The following CPEB2 variants were observed in gnomAD, a reference collection of about 807,000 sequenced individuals.
CPEB2 encodes cytoplasmic polyadenylation element binding protein 2.
A neutral mutation model predicts 93.6 loss-of-function variants in CPEB2; 56 were observed. The ratio of observed to expected loss-of-function variants is 0.60; its 90% CI spans 0.48 to 0.75. The LOEUF (loss-of-function observed/expected upper bound fraction) is 0.75. Ranked by LOEUF, CPEB2 falls within the 30% of genes least tolerant of loss-of-function variation. The pLI, the probability that CPEB2 is intolerant of heterozygous loss-of-function variation, is 0.00. For synonymous variants in CPEB2, 764 were observed against 586.3 expected (o/e 1.30, Z -4.38); for missense variants, 1,579 against 1,395.1 (o/e 1.13, Z -2.10).
intron 2 of CPEB2, among the ~76,000 whole-genome samples, chr4:15,008,120 CT>C (rs1234918929): frequency 2.6e-5 from 4 of 151,612 alleles, no homozygotes; most frequent in South Asian, 2.1e-4. Flanking sequence ...GTTGATTAGA[CT>C]TTTTTTTTCT....
Position 15,069,597 on chromosome 4 carries a change from ATAG to A in CPEB2, c.*3223_*3225del, listed in dbSNP as rs985187591. Reference sequence around the variant, plus strand: ...TTTTTTTGGGTTTTATTTTATTTTAATAGTAGTAAAATACTTGGAATAATTTTT... The same window carrying A: ...TTTTTTTGGGTTTTATTTTATTTTAATAGTAAAATACTTGGAATAATTTTT... On this transcript the variant is annotated 3_prime_UTR_variant, in exon 12 of 12. Coordinates refer to ENST00000538197, the MANE Select transcript of CPEB2 (RefSeq NM_001177382.2). 5.2e-4 allele frequency: 79 copies of A among 152,120 alleles called. No individual in the cohort carries two copies. The highest frequency in any genetic ancestry group is 3.9e-4 in the East Asian group (2 of 5,160). The allele number at this position is 152,120 out of a possible 1,614,324, so 9.4% of individuals were successfully genotyped here.
chr4:15,050,098 A>T (rs1728081699), intron 6 of CPEB2, among the ~76,000 whole-genome samples: 1 of 152,162 alleles, frequency 6.6e-6, no homozygotes, highest in Non-Finnish European at 1.5e-5. Context: ...CCAACATAAA[A>T]CCGATACTGG....
chr4:15,002,642 A>G lies in CPEB2; in HGVS notation c.-32A>G, dbSNP rs1459401914. On this transcript the variant is annotated 5_prime_UTR_variant, in exon 1 of 12. Transcript: ENST00000538197. ...TTCCTAGGTGGGGCAGGGGACGAGGAGCGTCTCCTCCCGCTGCCGGCGGCC... is the reference window on the plus strand; with the variant it reads ...TTCCTAGGTGGGGCAGGGGACGAGGGGCGTCTCCTCCCGCTGCCGGCGGCC... 2 of 1,465,450 alleles carry G rather than the reference A, an allele frequency of 1.4e-6. No individual in the cohort carries two copies. Among genetic ancestry groups the G allele is most frequent in the East Asian group, 5.2e-5 (2 of 38,236 alleles). The allele number at this position is 1,465,450 out of a possible 1,614,324, so 90.8% of individuals were successfully genotyped here. A position where few individuals can be genotyped will look rare whatever the true frequency, so the allele number is the denominator to read the frequency against.
Position 15,069,828 on chromosome 4 carries a change from G to T in CPEB2, c.*3448G>T, listed in dbSNP as rs1729960814. 1 of 152,066 alleles carries T rather than the reference G, an allele frequency of 6.6e-6. No homozygotes were observed. Among genetic ancestry groups the T allele is most frequent in the East Asian group, 1.9e-4 (1 of 5,148 alleles). 9.4% of individuals were successfully genotyped at this position (152,066 alleles called of 1,614,324 possible). Reference sequence around the variant, plus strand: ...AGTGTTTGGATTGTAATTATAAATGGTTCTTTGATATGCAAATTAATATTT... The same window carrying T: ...AGTGTTTGGATTGTAATTATAAATGTTTCTTTGATATGCAAATTAATATTT... On this transcript the variant is annotated 3_prime_UTR_variant, in exon 12 of 12. Coordinates refer to ENST00000538197, the MANE Select transcript of CPEB2 (RefSeq NM_001177382.2).
In CPEB2 at chr4:15,058,456, G is replaced by A. The variant is rs943082100; in HGVS notation, c.2497G>A (p.Val833Ile). The A allele has an allele frequency of 5.6e-6, 9 of 1,612,122 alleles. No individual in the cohort carries two copies. The highest frequency in any genetic ancestry group is 6.8e-6 in the Non-Finnish European group (8 of 1,178,630). Residue 833 changes from valine (V) to isoleucine (I), a missense_variant, in exon 9 of 12, where the codon GTT becomes ATT. Val to Ile is a conservative substitution (Grantham distance 29). Transcript: ENST00000538197. Reference sequence around the variant, plus strand: ...TCTTCTCTTTCAAGAAGAGAGCTCAGTTCAGGCACTCATTGATGCTTGTAT... The same window carrying A: ...TCTTCTCTTTCAAGAAGAGAGCTCAATTCAGGCACTCATTGATGCTTGTAT... Reference protein sequence around the residue: ...AFLLFQEESSVQALIDACIEE... With the variant: ...AFLLFQEESSIQALIDACIEE...
chr4:15,011,153 T>C (rs1454137487), intron 3 of CPEB2, among the ~76,000 whole-genome samples: 2 of 148,688 alleles, frequency 1.3e-5, no homozygotes, highest in Non-Finnish European at 3.0e-5. Flanking sequence ...CAGGCTGAAG[T>C]GCAGTGGCAC....
In CPEB2 at chr4:15,015,810, A is replaced by G. The variant is rs549142912; in HGVS notation, c.2035-1378A>G. On this transcript the variant is annotated intron_variant, in intron 3 of 11. Coordinates refer to ENST00000538197, the MANE Select transcript of CPEB2 (RefSeq NM_001177382.2). ...TGCCTTCATATGCTGTTTTTTTCCA[A>G]TGAAGACATATGATAAGGTTTAATT... Among the ~76,000 whole-genome samples, 10 of 152,030 alleles carry G rather than the reference A, an allele frequency of 6.6e-5. No individual in the cohort carries two copies. The East Asian group carries it at 1.5e-3, about 23-fold the overall frequency.
At position 15,069,055 on chromosome 4, in the gene CPEB2, T is replaced by C. The variant is rs1226439723; in HGVS notation, c.*2675T>C. 1 of 152,218 alleles carries C rather than the reference T, an allele frequency of 6.6e-6. No individual in the cohort carries two copies. Among genetic ancestry groups the C allele is most frequent in the Non-Finnish European group, 1.5e-5 (1 of 67,824 alleles). 9.4% of individuals were successfully genotyped at this position (152,218 alleles called of 1,614,324 possible). On this transcript the variant is annotated 3_prime_UTR_variant, in exon 12 of 12. Transcript: ENST00000538197. ...TATTAATTTTGATTGTATTTTTGTATTTTAAAAGCTTCTTCACTTGTGTTC... is the reference window on the plus strand; with the variant it reads ...TATTAATTTTGATTGTATTTTTGTACTTTAAAAGCTTCTTCACTTGTGTTC...
intron 6 of CPEB2, among the ~76,000 whole-genome samples, chr4:15,043,706 A>G (rs1342235765): frequency 4.6e-5 from 7 of 152,096 alleles, no homozygotes; most frequent in South Asian, 2.1e-4. Flanking sequence ...AATATATAGA[A>G]TATTTTTAGT....
intron 4 of CPEB2, 142 bp from the exon 5 acceptor site, chr4:15,033,019 A>G (rs1317404052): frequency 1.8e-6 from 1 of 570,542 alleles, no homozygotes; most frequent in Non-Finnish European, 3.0e-6. Flanking sequence ...TTAGTTGAAC[A>G]TAAGCTTTTT....
At chr4:15,032,939 T>G (rs1726268525) in intron 4 of CPEB2, among the ~76,000 whole-genome samples, 1 of 152,210 alleles carries the variant, frequency 6.6e-6, no homozygotes, top group Non-Finnish European at 1.5e-5. Context: ...TGTATTCTTA[T>G]GATCTAGGAA....
chr4:15,005,980 A>G (rs912189029), intron 1 of CPEB2, among the ~76,000 whole-genome samples: 1 of 152,212 alleles, frequency 6.6e-6, no homozygotes, highest in African/African-American at 2.4e-5. Context: ...AACATATACC[A>G]TGATCCATAT....
chr4:15,015,772 AAAC>A (rs1724063261), intron 3 of CPEB2, among the ~76,000 whole-genome samples: 1 of 152,012 alleles, frequency 6.6e-6, no homozygotes, highest in Admixed American at 6.6e-5. Flanking sequence ...TGGATGGCTG[AAAC>A]TGCAAATAGT....
At position 15,007,531 on chromosome 4, in the gene CPEB2, T is replaced by C. The variant is rs1007315195; in HGVS notation, c.1889T>C (p.Ile630Thr). ...STPSLTPKSW[I>T]EDNVFRTDNN... ...CCATCACTGACTCCAAAATCTTGGA[T>C]TGAAGATAATGTGTTCAGAACAGAC... The change falls in exon 2 of 12, where the codon ATT becomes ACT. Residue 630 changes from isoleucine (I) to threonine (T), a missense_variant. Physicochemically the swap from Ile to Thr is moderately conservative, Grantham distance 89 (BLOSUM62 -1). Coordinates refer to ENST00000538197, the MANE Select transcript of CPEB2 (RefSeq NM_001177382.2). 1 of 1,613,454 alleles carries C rather than the reference T, an allele frequency of 6.2e-7. No individual in the cohort carries two copies. Among genetic ancestry groups the C allele is most frequent in the Admixed American group, 1.7e-5 (1 of 59,970 alleles).
At chr4:15,007,056 G>A (rs1012010173) in intron 1 of CPEB2, among the ~76,000 whole-genome samples, 7 of 152,038 alleles carry the variant, frequency 4.6e-5, no homozygotes, top group African/African-American at 1.7e-4. Flanking sequence ...GAACTGCATG[G>A]TTCTATTTTA....
Position 15,008,369 on chromosome 4 carries a change from G to A in CPEB2, c.1976G>A (p.Gly659Asp). The stretch of plus-strand genomic sequence containing the variant: ...TCTAGTTTGCAGTTGCCAGCTTGGG[G>A]CTCAGATTCACTCCAAGATAGTTGG... Reference protein sequence around the residue: ...VRSSLQLPAWGSDSLQDSWCT... With the variant: ...VRSSLQLPAWDSDSLQDSWCT... Residue 659 changes from glycine to aspartate, a missense_variant, in exon 3 of 12, where the codon GGC (glycine) becomes GAC (aspartate). Physicochemically the swap from Gly to Asp is moderately conservative, Grantham distance 94 (BLOSUM62 -1). Around this residue, in one of 2 missense-constraint regions of CPEB2, gnomAD observed 1,411 missense variants for 1,056.0 expected, o/e 1.34. Coordinates refer to ENST00000538197, the MANE Select transcript of CPEB2 (RefSeq NM_001177382.2). 6.2e-7 allele frequency: 1 copy of A among 1,613,786 alleles called. No homozygotes were observed. Among genetic ancestry groups the A allele is most frequent in the East Asian group, 2.2e-5 (1 of 44,862 alleles).
In CPEB2 at chr4:15,003,464, T is replaced by C. The variant is rs1158353959; in HGVS notation, c.791T>C (p.Leu264Pro). The C allele has an allele frequency of 7.2e-7, 1 of 1,384,608 alleles. No homozygotes were observed. Among genetic ancestry groups the C allele is most frequent in the South Asian group, 1.6e-5 (1 of 61,126 alleles). The allele number at this position is 1,384,608 out of a possible 1,614,324, so 85.8% of individuals were successfully genotyped here. A position where few individuals can be genotyped will look rare whatever the true frequency, so the allele number is the denominator to read the frequency against. Residue 264 changes from leucine to proline, a missense_variant, in exon 1 of 12, where the codon CTC becomes CCC. Leu to Pro is a moderately conservative substitution (Grantham distance 98). Around this residue, in one of 2 missense-constraint regions of CPEB2, gnomAD observed 1,411 missense variants for 1,056.0 expected, o/e 1.34. Coordinates refer to ENST00000538197, the MANE Select transcript of CPEB2 (RefSeq NM_001177382.2). ...RPADLPPLPQLPPSPPAAPRR... is the reference protein window; with the variant it reads ...RPADLPPLPQPPPSPPAAPRR... ...GCAGACCTGCCCCCGCTCCCGCAGC[T>C]CCCTCCCTCGCCGCCTGCAGCCCCG...
At chr4:15,055,544 C>G (rs1728634513) in intron 8 of CPEB2, among the ~76,000 whole-genome samples, 1 of 152,150 alleles carries the variant, frequency 6.6e-6, no homozygotes. Context: ...TCATCACTTG[C>G]CTGGACTGCT....
intron 7 of CPEB2, 71 bp downstream of exon 7, chr4:15,052,655 G>T: frequency 9.7e-7 from 1 of 1,030,164 alleles, no homozygotes; most frequent in Non-Finnish European, 1.3e-6. Context: ...GAAATTTAAT[G>T]TGAATGGACT....
Sources: gnomAD v4.1 joint callset for allele counts (sites outside exome capture counted in the v4.1 genomes callset) on GRCh38, gnomAD v4.1.1 for gene constraint, gnomAD v4.1.1 regional missense constraint, MANE v1.5 for transcripts, NCBI Gene and HGNC (gene_info 2026-07-23, HGNC 2026-07-21) for gene names.